Variants in IDE observed in about 807,000 individuals in gnomAD.
IDE encodes insulin degrading enzyme.
A neutral mutation model predicts 133.2 loss-of-function variants in IDE; 58 were observed. The observed-to-expected ratio is 0.44, with a 90% confidence interval of 0.35 to 0.54. The LOEUF is 0.54. Ranked by LOEUF, IDE falls within the 20% of genes least tolerant of loss-of-function variation. IDE has a pLI of 0.00. For synonymous variants in IDE, 396 were observed against 421.3 expected (o/e 0.94, Z 0.73); for missense variants, 981 against 1,234.0 (o/e 0.79, Z 3.07).
chr10:92,476,001 A>G lies in IDE; in HGVS notation c.1885-7T>C. 6.4e-6 allele frequency: 8 copies of G among 1,250,276 alleles called. No homozygotes were observed. The highest frequency in any genetic ancestry group is 9.2e-6 in the Non-Finnish European group (8 of 869,644). 77.4% of individuals were successfully genotyped at this position (1,250,276 alleles called of 1,614,324 possible). On this transcript the variant is annotated splice_region_variant and splice_polypyrimidine_tract_variant and intron_variant, in intron 15 of 24. Transcript: ENST00000265986. The stretch of plus-strand genomic sequence containing the variant: ...TGTAACCTTTCACTGAAAGCTACAG[A>G]AAGAATTCAGGGTATTAAAAGTCTA...
At chr10:92,469,320 TG>T (rs374241226) in intron 18 of IDE, among the ~76,000 whole-genome samples, 23 of 152,328 alleles carry the variant, frequency 1.5e-4, no homozygotes, top group African/African-American at 5.1e-4. Context: ...TAGGCTTTAT[TG>T]TAGGTAAAAT....
intron 12 of IDE, among the ~76,000 whole-genome samples, chr10:92,488,576 G>C (rs1040148731): frequency 2.0e-5 from 3 of 152,000 alleles, no homozygotes; most frequent in Non-Finnish European, 4.4e-5. Flanking sequence ...AGGAGTTCGA[G>C]ACCAGTCTGG....
intron 1 of IDE, among the ~76,000 whole-genome samples, chr10:92,564,300 G>C (rs1418831062): frequency 1.3e-5 from 2 of 152,010 alleles, no homozygotes; most frequent in Non-Finnish European, 2.9e-5. Flanking sequence ...ACAGCAAGAA[G>C]GAAAAAGTGT....
chr10:92,559,094 T>C (rs1170822068), intron 1 of IDE: 1 of 152,158 alleles, frequency 6.6e-6, no homozygotes, highest in Non-Finnish European at 1.5e-5. Context: ...CCCACCAGGA[T>C]GGCTTATAAC....
chr10:92,551,429 G>C (rs1184157478), intron 1 of IDE, among the ~76,000 whole-genome samples: 1 of 151,572 alleles, frequency 6.6e-6, no homozygotes, highest in African/African-American at 2.4e-5. Context: ...TTAGCTGGGA[G>C]TGGTGGTGCA....
chr10:92,515,158 A>G, intron 4 of IDE, 116 bp from the exon 5 acceptor site: 2 of 754,812 alleles, frequency 2.6e-6, no homozygotes, highest in Non-Finnish European at 4.3e-6. Flanking sequence ...TCTAATACAC[A>G]GAATAACTCA....
intron 1 of IDE, among the ~76,000 whole-genome samples, chr10:92,569,713 A>C (rs1281844084): frequency 6.6e-6 from 1 of 152,212 alleles, no homozygotes; most frequent in Non-Finnish European, 1.5e-5. Context: ...TTGAAAAAAG[A>C]CCATTAATCA....
chr10:92,475,382 T>C (rs1846199806), intron 16 of IDE, among the ~76,000 whole-genome samples: 1 of 152,214 alleles, frequency 6.6e-6, no homozygotes, highest in Admixed American at 6.5e-5. Context: ...TAGTTTCTTC[T>C]AGTATACAAG....
intron 14 of IDE, among the ~76,000 whole-genome samples, chr10:92,482,734 G>A (rs561640040): frequency 2.3e-4 from 33 of 146,646 alleles, no homozygotes; most frequent in Middle Eastern, 3.4e-3. Context: ...CATTAATGGG[G>A]AAAGAAAAAA....
intron 4 of IDE, among the ~76,000 whole-genome samples, chr10:92,525,821 C>A (rs1330197520): frequency 6.9e-6 from 1 of 145,930 alleles, no homozygotes. Context: ...AAAACAAACA[C>A]ACAACAAAAA....
At chr10:92,563,042 G>C (rs1189814335) in intron 1 of IDE, among the ~76,000 whole-genome samples, 1 of 152,154 alleles carries the variant, frequency 6.6e-6, no homozygotes, top group East Asian at 1.9e-4. Context: ...ACTGAAGTCA[G>C]GCGTTCGAGA....
intron 11 of IDE, among the ~76,000 whole-genome samples, chr10:92,493,389 ATTTCT>A (rs1358079826): frequency 3.3e-5 from 5 of 150,488 alleles, no homozygotes; most frequent in African/African-American, 1.2e-4. Context: ...GAAACGCTTG[ATTTCT>A]TTTTTTTTTT....
chr10:92,477,243 C>T (rs1480977649), intron 15 of IDE, among the ~76,000 whole-genome samples: 2 of 152,108 alleles, frequency 1.3e-5, no homozygotes, highest in East Asian at 3.8e-4. Context: ...ACTTCTGCTC[C>T]GCAGGCTCAA....
chr10:92,459,101 A>G (rs1845212395), intron 22 of IDE, among the ~76,000 whole-genome samples: 1 of 152,194 alleles, frequency 6.6e-6, no homozygotes, highest in East Asian at 1.9e-4. Flanking sequence ...CTGAAACTAT[A>G]GTCTCCTTTT....
intron 11 of IDE, among the ~76,000 whole-genome samples, chr10:92,493,579 G>A (rs1384775774): frequency 1.3e-5 from 2 of 149,742 alleles, no homozygotes; most frequent in Non-Finnish European, 3.0e-5. Flanking sequence ...GTGCAGTAAT[G>A]CTCAGGTTAA....
chr10:92,544,896 A>T (rs1190385265), intron 1 of IDE, among the ~76,000 whole-genome samples: 1 of 152,216 alleles, frequency 6.6e-6, no homozygotes, highest in Non-Finnish European at 1.5e-5. Context: ...ATGAAAGGAA[A>T]CATAAAAACA....
intron 1 of IDE, among the ~76,000 whole-genome samples, chr10:92,540,062 T>C (rs544176250): frequency 1.5e-4 from 23 of 152,002 alleles, no homozygotes; most frequent in African/African-American, 5.5e-4. Flanking sequence ...GTCAATATGG[T>C]GAAACCCCAT....
intron 1 of IDE, among the ~76,000 whole-genome samples, chr10:92,570,413 A>G (rs1018312919): frequency 2.0e-5 from 3 of 152,198 alleles, no homozygotes; most frequent in Non-Finnish European, 4.4e-5. Context: ...TAGACATTCA[A>G]ATAATGTCTA....
chr10:92,556,722 C>A (rs979824945), intron 1 of IDE, among the ~76,000 whole-genome samples: 1 of 152,076 alleles, frequency 6.6e-6, no homozygotes, highest in Non-Finnish European at 1.5e-5. Context: ...CGCGCCACTG[C>A]ACTCCAGCCT....
Sources: gnomAD v4.1 joint callset for allele counts (sites outside exome capture counted in the v4.1 genomes callset) on GRCh38, gnomAD v4.1.1 for gene constraint, MANE v1.5 for transcripts, NCBI Gene and HGNC (gene_info 2026-07-23, HGNC 2026-07-21) for gene names.